Variants in SMIM36 observed in about 807,000 individuals in gnomAD.
SMIM36 encodes the protein small integral membrane protein 36.
At chr17:55,523,690 C>A in the SMIM36 span, among the ~76,000 whole-genome samples, 35 of 152,132 alleles carry the variant, frequency 2.3e-4, no homozygotes, top group Non-Finnish European at 4.3e-4. Context: ...CTGTTTAGGG[C>A]ACCTAATATC....
At chr17:55,526,414 C>T in the SMIM36 span, among the ~76,000 whole-genome samples, 1 of 152,194 alleles carries the variant, frequency 6.6e-6, no homozygotes, top group South Asian at 2.1e-4. Context: ...CCGTCTCGAC[C>T]TCCCAAAGTG....
At chr17:55,474,548 G>T (rs1909396551) in intron 3 of SMIM36, among the ~76,000 whole-genome samples, 1 of 152,124 alleles carries the variant, frequency 6.6e-6, no homozygotes, top group Non-Finnish European at 1.5e-5. Context: ...TGGAAGCGTG[G>T]CCTGATCACC....
intron 3 of SMIM36, among the ~76,000 whole-genome samples, chr17:55,474,545 G>A (rs62079587): frequency 0.23 from 34,240 of 152,044 alleles, 4,316 homozygotes; most frequent in Non-Finnish European, 0.28. Flanking sequence ...GAGTGGAAGC[G>A]TGGCCTGATC....
chr17:55,513,818 T>C (rs958898685), upstream of SMIM36, among the ~76,000 whole-genome samples: 1 of 152,230 alleles, frequency 6.6e-6, no homozygotes, highest in Non-Finnish European at 1.5e-5. Flanking sequence ...AGTGGAGTTT[T>C]CATATCAGAT....
At chr17:55,491,223 C>T (rs1415353205) in intron 1 of SMIM36, among the ~76,000 whole-genome samples, 2 of 112,132 alleles carry the variant, frequency 1.8e-5, no homozygotes, top group East Asian at 5.4e-4. Context: ...GCTTAGGTGA[C>T]AGAGCAAGAC....
chr17:55,505,756 T>C (rs1910070128), intron 1 of SMIM36, among the ~76,000 whole-genome samples: 2 of 112,014 alleles, frequency 1.8e-5, no homozygotes, highest in South Asian at 3.2e-4. Context: ...AAATAAAGGG[T>C]ATTCAATTAG....
chr17:55,456,234 C>T (rs1008530043), intron 4 of SMIM36, among the ~76,000 whole-genome samples: 13 of 151,292 alleles, frequency 8.6e-5, no homozygotes, highest in African/African-American at 3.2e-4. Flanking sequence ...GCTTCTTCTC[C>T]TGTAATTGTT....
intron 3 of SMIM36, among the ~76,000 whole-genome samples, chr17:55,467,675 C>A (rs574062539): frequency 6.6e-6 from 1 of 152,184 alleles, no homozygotes; most frequent in Non-Finnish European, 1.5e-5. Flanking sequence ...GGATTGCAGG[C>A]GTGAGCCACC....
At position 55,479,589 on chromosome 17, in the gene SMIM36, A is replaced by AG. The variant is rs1242181395; in HGVS notation, c.*175-10_*175-9insC. On this transcript the variant is annotated splice_polypyrimidine_tract_variant and intron_variant, in intron 1 of 4. Coordinates refer to ENST00000636752, the Ensembl canonical transcript of SMIM36. ...ACAGAGTGAGACTCCATCTCAAAAA[A>AG]TAAAAAAATAAAAAATAAACAAATA... The AG allele has an allele frequency of 6.6e-6, 1 of 152,254 alleles. No individual in the cohort carries two copies. The highest frequency in any genetic ancestry group is 1.5e-5 in the Non-Finnish European group (1 of 68,066). 9.4% of individuals were successfully genotyped at this position (152,254 alleles called of 1,614,324 possible).
At chr17:55,509,411 C>G (rs1370819034) in intron 1 of SMIM36, among the ~76,000 whole-genome samples, 3 of 152,206 alleles carry the variant, frequency 2.0e-5, no homozygotes, top group African/African-American at 7.2e-5. Context: ...AACTACTTAT[C>G]TTTTAAGACA....
At chr17:55,481,108 CTCTT>C (rs201716351) in intron 1 of SMIM36, among the ~76,000 whole-genome samples, 4,013 of 152,122 alleles carry the variant, frequency 0.026, 147 homozygotes, top group African/African-American at 0.08. Flanking sequence ...CCCTCTCTCT[CTCTT>C]TATCTCTCTC....
chr17:55,493,149 A>T (rs1235332788), intron 1 of SMIM36, among the ~76,000 whole-genome samples: 2 of 152,200 alleles, frequency 1.3e-5, no homozygotes, highest in African/African-American at 4.8e-5. Flanking sequence ...TTTTCAGGAC[A>T]AATCCTCCTG....
At chr17:55,487,208 G>T (rs914125106) in intron 1 of SMIM36, among the ~76,000 whole-genome samples, 3 of 152,036 alleles carry the variant, frequency 2.0e-5, no homozygotes, top group Admixed American at 6.6e-5. Flanking sequence ...GTCATGGGGT[G>T]GGGGGTAGGG....
chr17:55,462,411 G>T (rs1308796032), intron 4 of SMIM36, among the ~76,000 whole-genome samples: 2 of 152,088 alleles, frequency 1.3e-5, no homozygotes, highest in Non-Finnish European at 2.9e-5. Context: ...AGGAATTCAA[G>T]ACCAGCCTTA....
chr17:55,452,778 ACT>A (rs778228766), intron 4 of SMIM36, among the ~76,000 whole-genome samples: 2 of 151,928 alleles, frequency 1.3e-5, no homozygotes, highest in Non-Finnish European at 2.9e-5. Flanking sequence ...TATTTTGGGT[ACT>A]CTCCTCCTCT....
chr17:55,508,565 G>C (rs904589488), intron 1 of SMIM36, among the ~76,000 whole-genome samples: 11 of 150,242 alleles, frequency 7.3e-5, no homozygotes, highest in African/African-American at 2.7e-4. Flanking sequence ...ATAAAGGGTA[G>C]GTTCTTAGAA....
At chr17:55,515,657 G>T (rs4360989), upstream of SMIM36, among the ~76,000 whole-genome samples, 16,563 of 152,188 alleles carry the variant, frequency 0.11, 2,039 homozygotes, top group African/African-American at 0.3. Flanking sequence ...GCAAGCCATG[G>T]AATGCCAAGG....
upstream of SMIM36, among the ~76,000 whole-genome samples, chr17:55,514,437 T>A (rs1324321920): frequency 6.6e-6 from 1 of 152,202 alleles, no homozygotes; most frequent in Non-Finnish European, 1.5e-5. Flanking sequence ...AAGCACACTG[T>A]ATAACAAATG....
chr17:55,507,797 T>A (rs895438574), intron 1 of SMIM36, among the ~76,000 whole-genome samples: 1 of 152,158 alleles, frequency 6.6e-6, no homozygotes, highest in East Asian at 1.9e-4. Flanking sequence ...ACTTTACCTC[T>A]TCCGAACTGC....
Sources: gnomAD v4.1 joint callset for allele counts (sites outside exome capture counted in the v4.1 genomes callset) on GRCh38, gnomAD v4.1.1 for gene constraint, MANE v1.5 for transcripts, NCBI Gene and HGNC (gene_info 2026-07-23, HGNC 2026-07-21) for gene names.